The following TRERF1 variants were observed in gnomAD, a reference collection of about 807,000 sequenced individuals.
TRERF1 encodes transcriptional-regulating factor 1.
A neutral mutation model predicts 122.9 loss-of-function variants in TRERF1; 27 were observed. The ratio of observed to expected loss-of-function variants is 0.22; its 90% CI spans 0.16 to 0.30. The LOEUF (loss-of-function observed/expected upper bound fraction) is 0.30, where lower values mean the gene tolerates loss of function less well. TRERF1 is among the 10% of genes least tolerant of loss of function. The pLI is 1.00. For synonymous variants in TRERF1, 636 were observed against 641.7 expected, an observed-to-expected ratio of 0.99 and a Z score of 0.13; for missense variants, 1,248 against 1,560.3, an observed-to-expected ratio of 0.80 and a Z score of 3.37.
At chr6:42,321,515 C>T (rs1288714653) in intron 3 of TRERF1, among the ~76,000 whole-genome samples, 1 of 152,198 alleles carries the variant, frequency 6.6e-6, no homozygotes, top group African/African-American at 2.4e-5. Context: ...TATTACTTGG[C>T]TCCAAAGAGA....
At chr6:42,380,166 ACCAGGAGT>A (rs930944716) in intron 2 of TRERF1, among the ~76,000 whole-genome samples, 1 of 139,464 alleles carries the variant, frequency 7.2e-6, no homozygotes, top group Non-Finnish European at 1.6e-5. Flanking sequence ...CTCAGGAACA[ACCAGGAGT>A]CCAGTGTGGT....
chr6:42,415,609 G>A (rs1213752422), intron 2 of TRERF1, among the ~76,000 whole-genome samples: 1 of 152,108 alleles, frequency 6.6e-6, no homozygotes, highest in Non-Finnish European at 1.5e-5. Context: ...ATCTGGTTAT[G>A]AAGATCCTAT....
At chr6:42,243,832 G>T (rs1037695615) in intron 14 of TRERF1, among the ~76,000 whole-genome samples, 1 of 150,248 alleles carries the variant, frequency 6.7e-6, no homozygotes, top group South Asian at 2.1e-4. Flanking sequence ...CGCCCACCTC[G>T]GCCTCCCAAA....
intron 17 of TRERF1, among the ~76,000 whole-genome samples, chr6:42,229,962 C>T (rs2149464433): frequency 6.6e-6 from 1 of 152,284 alleles, no homozygotes; most frequent in South Asian, 2.1e-4. Context: ...ATGATAAAGA[C>T]AGTAAACGGC....
intron 2 of TRERF1, among the ~76,000 whole-genome samples, chr6:42,382,727 AT>A (rs11354502): frequency 0.096 from 14,537 of 151,910 alleles, 1,084 homozygotes; most frequent in African/African-American, 0.2. Context: ...ACCAGACCCC[AT>A]TTTGCTTTAC....
Position 42,228,329 on chromosome 6 carries a change from A to G in TRERF1, c.*16T>C. The G allele has an allele frequency of 9.4e-6, 15 of 1,590,780 alleles. No homozygotes were observed. Among genetic ancestry groups the G allele is most frequent in the Non-Finnish European group, 1.3e-5 (15 of 1,165,678 alleles). ...AGGCCGTGGGTTTTCACTGTCTCTAAGTGACACACAGGGCTTTATAGTTCT... is the reference window on the plus strand; with the variant it reads ...AGGCCGTGGGTTTTCACTGTCTCTAGGTGACACACAGGGCTTTATAGTTCT... On this transcript the variant is annotated 3_prime_UTR_variant, in exon 18 of 18. Transcript: ENST00000372922. This position sits in a 1 kb window ranked among gnomAD's most constrained non-coding sequence, Gnocchi z 4.2.
At chr6:42,415,228 T>C (rs1336071608) in intron 2 of TRERF1, among the ~76,000 whole-genome samples, 1 of 152,188 alleles carries the variant, frequency 6.6e-6, no homozygotes, top group Non-Finnish European at 1.5e-5. Context: ...CTTTTGCCCA[T>C]TTTTCAATTA....
Position 42,368,464 on chromosome 6 carries a change from A to AACC in TRERF1, c.-453-5386_-453-5385insGGT, listed in dbSNP as rs1243877272. Among the ~76,000 whole-genome samples the AACC allele has an allele frequency of 1.1e-3, 171 of 152,318 alleles. 1 individual carries two copies. Among genetic ancestry groups the AACC allele is most frequent in the Middle Eastern group, 0.01 (3 of 294 alleles). ...AGACAAAACCAAGAACTTCAATGGT[A>AACC]AAGATAAAACAGCAAGCACCAAGAC... On this transcript the variant is annotated intron_variant, in intron 2 of 17. Coordinates refer to ENST00000372922, the Ensembl canonical transcript of TRERF1.
At chr6:42,242,140 A>G (rs74797672) in intron 15 of TRERF1, among the ~76,000 whole-genome samples, 6,244 of 152,252 alleles carry the variant, frequency 0.041, 428 homozygotes, top group African/African-American at 0.14. Flanking sequence ...TAACTACACA[A>G]GGGAATCAGG....
At chr6:42,419,567 A>G (rs1639278214) in intron 2 of TRERF1, among the ~76,000 whole-genome samples, 1 of 152,080 alleles carries the variant, frequency 6.6e-6, no homozygotes, top group Non-Finnish European at 1.5e-5. Context: ...GGGATTCACA[A>G]GACACAATCC....
chr6:42,376,735 G>C (rs1195305925), intron 2 of TRERF1, among the ~76,000 whole-genome samples: 1 of 151,364 alleles, frequency 6.6e-6, no homozygotes, highest in African/African-American at 2.4e-5. Context: ...TAGAGACGGG[G>C]TTTCACCATG....
chr6:42,345,868 C>T (rs1768175575), intron 3 of TRERF1, among the ~76,000 whole-genome samples: 1 of 152,222 alleles, frequency 6.6e-6, no homozygotes, highest in Non-Finnish European at 1.5e-5. Context: ...CAGTGACTTA[C>T]ACATCCCCTG....
chr6:42,396,259 G>A lies in TRERF1; in HGVS notation c.-453-33180C>T, dbSNP rs142718754. On this transcript the variant is annotated intron_variant, in intron 2 of 17. Coordinates refer to ENST00000372922, the Ensembl canonical transcript of TRERF1. ...GTGACTTTACTATCCAGCTTCAGGAGCTGAGAAATAAACCTCCCAGACCTC... is the reference window on the plus strand; with the variant it reads ...GTGACTTTACTATCCAGCTTCAGGAACTGAGAAATAAACCTCCCAGACCTC... Among the ~76,000 whole-genome samples the A allele has an allele frequency of 3.7e-3, 567 of 152,248 alleles. 1 individual carries two copies. Among genetic ancestry groups the A allele is most frequent in the Non-Finnish European group, 6.9e-3 (468 of 68,028 alleles).
At chr6:42,371,199 G>A (rs1773702449) in intron 2 of TRERF1, among the ~76,000 whole-genome samples, 1 of 152,210 alleles carries the variant, frequency 6.6e-6, no homozygotes, top group Admixed American at 6.5e-5. Context: ...TGTGTTCAGG[G>A]AAGTAAAAGG....
intron 3 of TRERF1, among the ~76,000 whole-genome samples, chr6:42,320,903 A>T (rs2150451883): frequency 6.6e-6 from 1 of 152,276 alleles, no homozygotes; most frequent in African/African-American, 2.4e-5. Flanking sequence ...TGGAAAACAG[A>T]CAGAATATGG....
chr6:42,429,083 A>G (rs1274412790), intron 2 of TRERF1, among the ~76,000 whole-genome samples: 1 of 152,186 alleles, frequency 6.6e-6, no homozygotes, highest in Non-Finnish European at 1.5e-5. Context: ...TACTGAACAA[A>G]TGAATGAAAG....
chr6:42,368,511 G>A (rs1773180715), intron 2 of TRERF1, among the ~76,000 whole-genome samples: 1 of 152,164 alleles, frequency 6.6e-6, no homozygotes, highest in African/African-American at 2.4e-5. Context: ...CCCACTCCAT[G>A]TAGAATTTAG....
At chr6:42,408,607 A>C (rs923513266) in intron 2 of TRERF1, among the ~76,000 whole-genome samples, 1 of 151,792 alleles carries the variant, frequency 6.6e-6, no homozygotes, top group Non-Finnish European at 1.5e-5. Flanking sequence ...CCAACTCCTG[A>C]CTTCAGGTGA....
chr6:42,429,927 A>G (rs1414380313), intron 2 of TRERF1, among the ~76,000 whole-genome samples: 2 of 152,126 alleles, frequency 1.3e-5, no homozygotes, highest in Non-Finnish European at 2.9e-5. Context: ...CCTGTTGAGA[A>G]AGAGACAGAC....
Sources: allele counts gnomAD v4.1 joint callset (sites outside exome capture counted in the v4.1 genomes callset), GRCh38; gene constraint gnomAD v4.1.1; non-coding constraint Gnocchi (gnomAD v3.1); transcripts MANE v1.5; gene names NCBI Gene and HGNC (gene_info 2026-07-23, HGNC 2026-07-21).